The following ACSBG1 variants were observed in gnomAD, a reference collection of about 807,000 sequenced individuals.
ACSBG1 encodes long-chain-fatty-acid--CoA ligase ACSBG1.
Under a neutral mutation model 80.2 loss-of-function variants are expected in ACSBG1, and 39 were observed. The observed-to-expected ratio is 0.49, with a 90% CI of 0.38 to 0.64. The LOEUF (loss-of-function observed/expected upper bound fraction) is 0.64. Among genes scored for constraint, ACSBG1 ranks in the 30% least tolerant of loss-of-function variants. The probability of loss-of-function intolerance (pLI) is 0.00; values close to 1 mark genes in which losing one functional copy is unlikely to be tolerated. For missense variants in ACSBG1, 828 were observed against 966.4 expected, an observed-to-expected ratio of 0.86 and a Z score of 1.90; for synonymous variants, 392 against 379.5, an observed-to-expected ratio of 1.03 and a Z score of -0.38.
chr15:78,221,883 CAT>C (rs2075362415), intron 1 of ACSBG1, among the ~76,000 whole-genome samples: 1 of 152,222 alleles, frequency 6.6e-6, no homozygotes. Flanking sequence ...CAATAAAGCA[CAT>C]GTTTCTGTGA....
intron 1 of ACSBG1, among the ~76,000 whole-genome samples, chr15:78,225,445 AAAAAT>A (rs932111668): frequency 4.8e-5 from 7 of 145,368 alleles, no homozygotes; most frequent in Admixed American, 1.4e-4. Context: ...AAATAAATTA[AAAAAT>A]AAAATAAATT....
intron 11 of ACSBG1, chr15:78,174,753 GTCATCCACGAC>G (rs1220795082): frequency 2.4e-5 from 13 of 548,552 alleles, no homozygotes; most frequent in Non-Finnish European, 3.9e-5. Context: ...TCCTCGGCTT[GTCATCCACGAC>G]TCAGCCTGCT....
At chr15:78,218,660 C>A (rs2075332297) in intron 1 of ACSBG1, among the ~76,000 whole-genome samples, 1 of 152,088 alleles carries the variant, frequency 6.6e-6, no homozygotes, top group African/African-American at 2.4e-5. Flanking sequence ...ATTACAATCC[C>A]TATTTTATGG....
At chr15:78,175,029 A>C (rs970570190) in intron 11 of ACSBG1, among the ~76,000 whole-genome samples, 12 of 152,216 alleles carry the variant, frequency 7.9e-5, no homozygotes, top group African/African-American at 2.9e-4. Context: ...GTCCAAGCTC[A>C]CATGCTAATA....
In ACSBG1 at chr15:78,174,365, C is replaced by T; in HGVS notation, c.1842+20G>A. 1.9e-6 allele frequency: 3 copies of T among 1,614,152 alleles called. No homozygotes were observed. The highest frequency in any genetic ancestry group is 2.5e-6 in the Non-Finnish European group (3 of 1,180,032). ...CCCCTCACTGGCTGCTCCTTCTGAG[C>T]TGGAGCCCCCCAGACACACCTTCAA... On this transcript the variant is annotated intron_variant, in intron 12 of 13. Transcript: ENST00000258873.
intron 1 of ACSBG1, among the ~76,000 whole-genome samples, chr15:78,230,712 T>C (rs1352808910): frequency 6.6e-6 from 1 of 152,220 alleles, no homozygotes; most frequent in Non-Finnish European, 1.5e-5. Flanking sequence ...GGGGGAGTTT[T>C]TCTGCTCAAG....
At chr15:78,194,415 C>T in intron 3 of ACSBG1, 91 bp downstream of exon 3, 1 of 1,210,292 alleles carries the variant, frequency 8.3e-7, no homozygotes, top group Non-Finnish European at 1.2e-6. Context: ...GAGCCTTGCC[C>T]AGTGGGCAGT....
At chr15:78,207,736 C>A in intron 2 of ACSBG1, 1 of 471,038 alleles carries the variant, frequency 2.1e-6, no homozygotes, top group Non-Finnish European at 3.8e-6. Context: ...TCCTACCTGT[C>A]TCTCTATCTC....
intron 2 of ACSBG1, among the ~76,000 whole-genome samples, chr15:78,206,248 A>G (rs755554149): frequency 1.8e-4 from 28 of 152,130 alleles, no homozygotes; most frequent in Non-Finnish European, 3.1e-4. Flanking sequence ...TGAACTCCCA[A>G]GGGCAGAGCA....
At chr15:78,208,763 G>A (rs547332623) in intron 1 of ACSBG1, among the ~76,000 whole-genome samples, 4 of 152,158 alleles carry the variant, frequency 2.6e-5, no homozygotes, top group Non-Finnish European at 4.4e-5. Context: ...TCCCAGGCTC[G>A]GTGACCCTGG....
chr15:78,173,481 CTGCCATGACCTTCTCTT>C, intron 13 of ACSBG1, 95 bp downstream of exon 13: 1 of 1,459,562 alleles, frequency 6.9e-7, no homozygotes, highest in African/African-American at 1.4e-5. Flanking sequence ...ACCCAGATTC[CTGCCATGACCTTCTCTT>C]TGCCGTGGCT....
chr15:78,185,760 G>A (rs982169136), intron 5 of ACSBG1, among the ~76,000 whole-genome samples: 1 of 151,104 alleles, frequency 6.6e-6, no homozygotes, highest in Non-Finnish European at 1.5e-5. Flanking sequence ...AAAGCAGCCA[G>A]AAAAACAAAA....
chr15:78,209,878 C>T (rs972910369), intron 1 of ACSBG1, among the ~76,000 whole-genome samples: 1 of 152,192 alleles, frequency 6.6e-6, no homozygotes, highest in East Asian at 1.9e-4. Context: ...TGAACTGCTT[C>T]CTCACAAACA....
At chr15:78,193,682 T>TGGC in intron 4 of ACSBG1, 56 bp from the exon 5 acceptor site, 1 of 1,560,264 alleles carries the variant, frequency 6.4e-7, no homozygotes, top group Non-Finnish European at 8.7e-7. Context: ...GCCACCCCCT[T>TGGC]CCCCCACCCC....
intron 1 of ACSBG1, among the ~76,000 whole-genome samples, chr15:78,232,513 A>G (rs866642151): frequency 3.3e-5 from 5 of 151,866 alleles, no homozygotes; most frequent in Admixed American, 6.5e-5. Flanking sequence ...CCTTTTCACC[A>G]CAGGCCTGAG....
intron 1 of ACSBG1, among the ~76,000 whole-genome samples, chr15:78,231,143 G>T (rs927954216): frequency 6.6e-6 from 1 of 151,882 alleles, no homozygotes; most frequent in Non-Finnish European, 1.5e-5. Context: ...TTTTTGAGAC[G>T]GAGTTTTATT....
intron 1 of ACSBG1, among the ~76,000 whole-genome samples, chr15:78,228,299 C>T (rs575819218): frequency 2.1e-4 from 32 of 152,160 alleles, no homozygotes; most frequent in Non-Finnish European, 4.4e-4. Flanking sequence ...CCACCACTGG[C>T]CCTAGATGAA....
chr15:78,230,191 C>A (rs966573468), intron 1 of ACSBG1, among the ~76,000 whole-genome samples: 5 of 152,218 alleles, frequency 3.3e-5, no homozygotes, highest in Non-Finnish European at 5.9e-5. Flanking sequence ...GCCTCAAGGG[C>A]ACAGAACACA....
At chr15:78,218,966 C>T (rs1469876106) in intron 1 of ACSBG1, among the ~76,000 whole-genome samples, 1 of 151,994 alleles carries the variant, frequency 6.6e-6, no homozygotes, top group Non-Finnish European at 1.5e-5. Flanking sequence ...CGCCCACCAC[C>T]ATGCCTGGCT....
Sources: gnomAD v4.1 joint callset for allele counts (sites outside exome capture counted in the v4.1 genomes callset) on GRCh38, gnomAD v4.1.1 for gene constraint, MANE v1.5 for transcripts, NCBI Gene and HGNC (gene_info 2026-07-23, HGNC 2026-07-21) for gene names.